Variants in CELF2 observed in about 807,000 individuals in gnomAD.
The protein encoded by CELF2 is CUG triplet repeat RNA-binding protein 2.
In CELF2, 8 loss-of-function variants were observed where a neutral mutation model predicts 62.6. The observed-to-expected ratio is 0.13, with a 90% CI of 0.07 to 0.23. The LOEUF (loss-of-function observed/expected upper bound fraction) is 0.23. CELF2 is among the 10% of genes least tolerant of loss of function. The pLI, the probability that CELF2 is intolerant of heterozygous loss-of-function variation, is 1.00. For synonymous variants in CELF2, 258 were observed against 250.0 expected, an observed-to-expected ratio of 1.03 and a Z score of -0.30; for missense variants, 333 against 671.0, an observed-to-expected ratio of 0.50 and a Z score of 5.56.
Position 11,321,016 on chromosome 10 carries a change from AT to A in CELF2, c.1097-171del. On this transcript the variant is annotated intron_variant, in intron 10 of 12. Coordinates refer to ENST00000633077, the MANE Select transcript of CELF2 (RefSeq NM_001326342.2). The surrounding 1 kb of genome is among the most constrained non-coding windows in gnomAD (Gnocchi z 6.2). ...CTCATGGCTTAGGTCATTTTCCCCC[AT>A]TATCACGATTTATTTCTTCATGGTT... 7.4e-7 allele frequency: 1 copy of A among 1,342,316 alleles called. No individual in the cohort carries two copies. Among genetic ancestry groups the A allele is most frequent in the Non-Finnish European group, 1.0e-6 (1 of 976,408 alleles). The allele number at this position is 1,342,316 out of a possible 1,614,324, so 83.2% of individuals were successfully genotyped here.
At chr10:11,206,970 C>T (rs920312761) in intron 2 of CELF2, among the ~76,000 whole-genome samples, 1 of 151,972 alleles carries the variant, frequency 6.6e-6, no homozygotes, top group African/African-American at 2.4e-5. Flanking sequence ...ATTGTCCCAT[C>T]GGGGGAAAAA....
At chr10:10,610,681 C>T in the CELF2 span, among the ~76,000 whole-genome samples, 1 of 152,124 alleles carries the variant, frequency 6.6e-6, no homozygotes, top group Admixed American at 6.5e-5. Flanking sequence ...TCCTTCCATG[C>T]TAATAAATGC....
intron 2 of CELF2, among the ~76,000 whole-genome samples, chr10:10,966,025 A>C (rs2050087621): frequency 6.6e-6 from 1 of 152,198 alleles, no homozygotes; most frequent in Non-Finnish European, 1.5e-5. Flanking sequence ...GGCCCTACTT[A>C]CTGTGCTTCC....
chr10:10,484,640 T>C, the CELF2 span, among the ~76,000 whole-genome samples: 4 of 151,916 alleles, frequency 2.6e-5, no homozygotes, highest in Admixed American at 6.6e-5. Flanking sequence ...ACTAAAGTAC[T>C]TGTGGCTTTT....
At chr10:10,610,939 T>A in the CELF2 span, among the ~76,000 whole-genome samples, 1 of 152,108 alleles carries the variant, frequency 6.6e-6, no homozygotes, top group Admixed American at 6.6e-5. Flanking sequence ...AAGATGGAAG[T>A]AAAATGACCC....
intron 1 of CELF2, among the ~76,000 whole-genome samples, chr10:11,161,990 G>A (rs936896201): frequency 3.9e-5 from 6 of 152,196 alleles, no homozygotes; most frequent in African/African-American, 1.4e-4. Flanking sequence ...CTAAAAATGA[G>A]CATCAGCCAG....
rs1300516155 is a variant in CELF2, at chr10:11,157,206, C to T, written c.75-8280C>T. 2.0e-5 allele frequency among the ~76,000 whole-genome samples: 3 copies of T among 152,216 alleles called. No individual in the cohort carries two copies. The highest frequency in any genetic ancestry group is 6.5e-5 in the Admixed American group (1 of 15,304). ...GCGCCAGGGTCTTTGCTGGTACTTCCGTGCCTCTCACACATGCATGGTTGT... is the reference window on the plus strand; with the variant it reads ...GCGCCAGGGTCTTTGCTGGTACTTCTGTGCCTCTCACACATGCATGGTTGT... On this transcript the variant is annotated intron_variant, in intron 1 of 12. Transcript: ENST00000633077. This position sits in a 1 kb window ranked among gnomAD's most constrained non-coding sequence, Gnocchi z 4.9.
chr10:10,723,483 C>G, the CELF2 span, among the ~76,000 whole-genome samples: 115 of 152,308 alleles, frequency 7.6e-4, no homozygotes, highest in East Asian at 0.018. Flanking sequence ...TTAATTTGAA[C>G]AGTGTTTGAG....
intron 1 of CELF2, among the ~76,000 whole-genome samples, chr10:10,908,377 G>A (rs1038358861): frequency 5.3e-5 from 8 of 151,540 alleles, no homozygotes; most frequent in Admixed American, 4.6e-4. Context: ...CTGCCACCAC[G>A]CCCGGCTAAT....
intron 1 of CELF2, among the ~76,000 whole-genome samples, chr10:11,058,174 A>G (rs575111488): frequency 6.0e-4 from 91 of 152,178 alleles, no homozygotes; most frequent in African/African-American, 2.1e-3. Flanking sequence ...GCAAACAAGT[A>G]GGCATAAAAT....
rs541551799 is a variant in CELF2, at chr10:10,919,276, AAAAAG to A, written c.54-684_54-680del. ...AAGAGAGATACTCTGTCTGAAAAAA[AAAAAG>A]AAAGAAAGAAAACGAAAGACAAGAG... On this transcript the variant is annotated intron_variant, in intron 1 of 13. Coordinates refer to the CELF2 transcript ENST00000636488. 2.4e-4 allele frequency among the ~76,000 whole-genome samples: 37 copies of A among 152,284 alleles called. No homozygotes were observed. In the South Asian group the frequency reaches 6.9e-3, roughly 28 times the overall value.
chr10:10,892,531 C>T (rs898853633), intron 1 of CELF2, among the ~76,000 whole-genome samples: 2 of 152,210 alleles, frequency 1.3e-5, no homozygotes, highest in African/African-American at 4.8e-5. Context: ...AGAGTTTCAA[C>T]CACAAAGTCT....
At chr10:10,680,320 C>T in the CELF2 span, among the ~76,000 whole-genome samples, 3 of 152,116 alleles carry the variant, frequency 2.0e-5, no homozygotes, top group Admixed American at 1.3e-4. Context: ...CTAGAAAGAT[C>T]ACGAAACTCA....
intron 1 of CELF2, among the ~76,000 whole-genome samples, chr10:11,074,248 A>G (rs1252512073): frequency 1.3e-5 from 2 of 152,238 alleles, no homozygotes; most frequent in Non-Finnish European, 1.5e-5. Flanking sequence ...CCAAAAGTTC[A>G]ACTATTATCC....
chr10:10,574,113 C>A, the CELF2 span, among the ~76,000 whole-genome samples: 4 of 152,056 alleles, frequency 2.6e-5, no homozygotes, highest in Non-Finnish European at 5.9e-5. Context: ...ACTCAGAAGA[C>A]ATATTTCATA....
rs190169261 is a variant in CELF2, at chr10:10,991,223, T to G, written c.89+71224T>G. Among the ~76,000 whole-genome samples the G allele has an allele frequency of 9.4e-4, 143 of 152,318 alleles. 1 individual carries two copies. The East Asian group carries it at 0.01, about 11-fold the overall frequency. ...GGGTATTTGTGGTGTTGGGTGTGCA[T>G]GTGTGCACATGTGTATATGTGTGTG... On this transcript the variant is annotated intron_variant, in intron 2 of 13. Transcript: ENST00000636488.
At chr10:10,949,798 C>T (rs950044537) in intron 2 of CELF2, among the ~76,000 whole-genome samples, 9 of 136,338 alleles carry the variant, frequency 6.6e-5, no homozygotes, top group African/African-American at 2.6e-4. Flanking sequence ...GAGACTGTGT[C>T]GCAAAACAAA....
intron 1 of CELF2, among the ~76,000 whole-genome samples, chr10:11,053,517 T>C (rs993340905): frequency 2.0e-5 from 3 of 152,146 alleles, no homozygotes; most frequent in Non-Finnish European, 4.4e-5. Context: ...TAAAAGAATT[T>C]TTTGCATCAA....
chr10:10,707,556 C>T, the CELF2 span, among the ~76,000 whole-genome samples: 2 of 152,086 alleles, frequency 1.3e-5, no homozygotes, highest in African/African-American at 4.8e-5. Flanking sequence ...ATTTGGTTCA[C>T]ATGAAGGAAA....
Sources: allele counts gnomAD v4.1 joint callset (sites outside exome capture counted in the v4.1 genomes callset), GRCh38; gene constraint gnomAD v4.1.1; non-coding constraint Gnocchi (gnomAD v3.1); transcripts MANE v1.5; gene names NCBI Gene and HGNC (gene_info 2026-07-23, HGNC 2026-07-21).